EYS: variants seen among roughly 807,000 people sequenced by gnomAD.
EYS encodes EGF-like photoreceptor maintenance factor.
Under a neutral mutation model 282.1 loss-of-function variants are expected in EYS, and 250 were observed. The ratio of observed to expected loss-of-function variants is 0.89; its 90% CI spans 0.80 to 0.98. The LOEUF (loss-of-function observed/expected upper bound fraction) is 0.98, where lower values mean the gene tolerates loss of function less well. Ranked by LOEUF, EYS falls within the 50% of genes least tolerant of loss-of-function variation. The pLI is 0.00. For missense variants in EYS, 4,016 were observed against 3,709.0 expected (o/e 1.08, Z -2.15); for synonymous variants, 1,355 against 1,282.9 (o/e 1.06, Z -1.20).
intron 2 of EYS, among the ~76,000 whole-genome samples, chr6:65,574,399 A>T (rs1234544059): frequency 1.3e-5 from 2 of 152,192 alleles, no homozygotes; most frequent in African/African-American, 4.8e-5. Flanking sequence ...AACACATAAG[A>T]ATGTATGTAC....
intron 12 of EYS, among the ~76,000 whole-genome samples, chr6:65,246,872 A>C (rs1582060067): frequency 1.3e-5 from 2 of 152,098 alleles, no homozygotes; most frequent in African/African-American, 4.8e-5. Context: ...TGTCCTTGTG[A>C]CAAACATATT....
chr6:65,368,875 A>G (rs568985146), intron 8 of EYS, among the ~76,000 whole-genome samples: 1 of 151,582 alleles, frequency 6.6e-6, no homozygotes, highest in Non-Finnish European at 1.5e-5. Flanking sequence ...TCCACGAAAG[A>G]GAGAGATGAG....
intron 1 of EYS, among the ~76,000 whole-genome samples, chr6:65,705,248 A>G (rs1769834112): frequency 6.6e-6 from 1 of 152,318 alleles, no homozygotes; most frequent in East Asian, 1.9e-4. Flanking sequence ...GGCTACTGCC[A>G]TTTAGGGCAG....
At chr6:63,892,293 C>G (rs1773428650) in intron 35 of EYS, among the ~76,000 whole-genome samples, 2 of 152,150 alleles carry the variant, frequency 1.3e-5, no homozygotes, top group Non-Finnish European at 2.9e-5. Context: ...GCCAAAAGAA[C>G]AAAGCTGGAG....
intron 12 of EYS, among the ~76,000 whole-genome samples, chr6:65,216,045 A>AAT (rs1562027537): frequency 1.3e-5 from 2 of 151,656 alleles, no homozygotes; most frequent in Non-Finnish European, 2.9e-5. Context: ...GTAAGTCTTC[A>AAT]CAGTGTTCTT....
intron 31 of EYS, among the ~76,000 whole-genome samples, chr6:64,208,739 ATAT>A (rs1303500300): frequency 6.6e-6 from 1 of 152,138 alleles, no homozygotes; most frequent in Non-Finnish European, 1.5e-5. Context: ...GAATGTAAGT[ATAT>A]TATTAATTTA....
chr6:63,983,461 C>A (rs956580927), intron 35 of EYS, among the ~76,000 whole-genome samples: 13 of 151,472 alleles, frequency 8.6e-5, no homozygotes, highest in African/African-American at 3.1e-4. Flanking sequence ...ATTTTCTATT[C>A]TAGTGATCAC....
intron 19 of EYS, among the ~76,000 whole-genome samples, chr6:64,876,158 G>A (rs1338219627): frequency 6.6e-6 from 1 of 151,882 alleles, no homozygotes; most frequent in African/African-American, 2.4e-5. Context: ...TATCCTATCT[G>A]AATTTAAAAT....
intron 28 of EYS, among the ~76,000 whole-genome samples, chr6:64,408,736 C>T (rs1365754812): frequency 6.6e-6 from 1 of 152,140 alleles, no homozygotes; most frequent in Non-Finnish European, 1.5e-5. Context: ...TGAAATTATA[C>T]CATAGTCAAT....
chr6:64,968,649 G>A (rs563063035), intron 14 of EYS, among the ~76,000 whole-genome samples: 5 of 152,108 alleles, frequency 3.3e-5, no homozygotes, highest in African/African-American at 1.2e-4. Context: ...CCAAAATTCT[G>A]CTTGTCAAAA....
chr6:64,536,182 T>C (rs1383032788), intron 26 of EYS, among the ~76,000 whole-genome samples: 2 of 152,156 alleles, frequency 1.3e-5, no homozygotes, highest in Non-Finnish European at 2.9e-5. Context: ...AAAAAAACTA[T>C]ATTAACTAAT....
chr6:64,222,953 A>G (rs530154659), intron 31 of EYS, among the ~76,000 whole-genome samples: 1 of 151,972 alleles, frequency 6.6e-6, no homozygotes, highest in Non-Finnish European at 1.5e-5. Context: ...TTTAAAAAAA[A>G]CTCATAAAAA....
At chr6:64,308,181 C>CTATA (rs1234854828) in intron 29 of EYS, among the ~76,000 whole-genome samples, 1 of 151,932 alleles carries the variant, frequency 6.6e-6, no homozygotes, top group Non-Finnish European at 1.5e-5. Flanking sequence ...ACAAAGTAAT[C>CTATA]TATAAAGATT....
chr6:63,739,581 C>A (rs868339818), intron 41 of EYS, among the ~76,000 whole-genome samples: 8 of 152,258 alleles, frequency 5.3e-5, no homozygotes, highest in Middle Eastern at 6.8e-3. Flanking sequence ...GAAGTGAGTA[C>A]CTCCATTTAG....
intron 12 of EYS, among the ~76,000 whole-genome samples, chr6:65,154,863 A>G (rs1764696380): frequency 6.6e-6 from 1 of 151,650 alleles, no homozygotes; most frequent in Admixed American, 6.6e-5. Flanking sequence ...CAAGCCACTC[A>G]ACCAAAATTA....
intron 2 of EYS, among the ~76,000 whole-genome samples, chr6:65,526,837 T>C (rs1233106486): frequency 6.6e-6 from 1 of 152,040 alleles, no homozygotes; most frequent in East Asian, 1.9e-4. Context: ...AAAAGACTGC[T>C]AATCTTGAGT....
chr6:64,331,132 T>C (rs535551643), intron 29 of EYS, among the ~76,000 whole-genome samples: 21 of 152,154 alleles, frequency 1.4e-4, no homozygotes, highest in Admixed American at 2.6e-4. Context: ...GCTGAGCTAA[T>C]AGCTCTCACT....
intron 5 of EYS, among the ~76,000 whole-genome samples, chr6:65,442,024 C>T (rs891836345): frequency 1.3e-5 from 2 of 151,988 alleles, no homozygotes; most frequent in African/African-American, 2.4e-5. Flanking sequence ...TATGACTGTA[C>T]TGTAACTGAA....
intron 22 of EYS, among the ~76,000 whole-genome samples, chr6:64,797,642 T>C (rs1263139170): frequency 1.3e-5 from 2 of 152,046 alleles, no homozygotes; most frequent in African/African-American, 2.4e-5. Context: ...AAGGTTACTA[T>C]AAAAATTTGG....
Sources: gnomAD v4.1 joint callset for allele counts (sites outside exome capture counted in the v4.1 genomes callset) on GRCh38, gnomAD v4.1.1 for gene constraint, MANE v1.5 for transcripts, NCBI Gene and HGNC (gene_info 2026-07-23, HGNC 2026-07-21) for gene names.